Variants in PSG6 observed in about 807,000 individuals in gnomAD.
PSG6 encodes pregnancy-specific beta-1-glycoprotein 6.
Under a neutral mutation model 43.3 loss-of-function variants are expected in PSG6, and 51 were observed. The observed-to-expected ratio is 1.18, with a 90% CI of 0.94 to 1.49. The LOEUF is 1.49. Among genes scored for constraint, PSG6 ranks in the 40% most tolerant of loss-of-function variants. PSG6 has a pLI of 0.00. For missense variants in PSG6, 770 were observed against 522.2 expected (o/e 1.47, Z -4.62); for synonymous variants, 292 against 197.6 (o/e 1.48, Z -4.01).
In PSG6 at chr19:42,917,756, T is replaced by A. The variant is rs1178258249; in HGVS notation, c.37A>T (p.Ile13Phe). The change falls in exon 1 of 6, where the codon ATC (isoleucine) becomes TTC (phenylalanine). Residue 13 changes from isoleucine (I) to phenylalanine (F), a missense_variant. Physicochemically the swap from Ile to Phe is conservative, Grantham distance 21. Coordinates refer to ENST00000187910, the MANE Select transcript of PSG6 (RefSeq NM_001031850.4). ...PLSAPPCTQH[I>F]TWKGLLLTAS... ...GTGAGCAGGAGCCCCTTCCAGGTGA[T>A]GTGCTGAGTGCAGGGAGGGGCTGAG... 1 of 1,610,190 alleles carries A rather than the reference T, an allele frequency of 6.2e-7. No homozygotes were observed. Among genetic ancestry groups the A allele is most frequent in the Non-Finnish European group, 8.5e-7 (1 of 1,177,968 alleles).
rs771257703 is a variant in PSG6, at chr19:42,916,444, T to C, written c.108A>G (p.Val36=). 1.2e-6 allele frequency: 2 copies of C among 1,611,952 alleles called. No individual in the cohort carries two copies. Among genetic ancestry groups the C allele is most frequent in the East Asian group, 4.5e-5 (2 of 44,760 alleles). The change falls in exon 2 of 6, where the codon GTA becomes GTG. Residue 36 remains valine, a synonymous_variant. Transcript: ENST00000187910. ...NFWNLPTTAQ[V]IIEAKPPKVS... Reference sequence around the variant, plus strand: ...CTTTGGGTGGCTTGGCTTCAATTATTACTTGGGCAGTGGTGGGCAGGTTCC... The same window carrying C: ...CTTTGGGTGGCTTGGCTTCAATTATCACTTGGGCAGTGGTGGGCAGGTTCC...
At chr19:42,914,494 A>G (rs10407785) in intron 2 of PSG6, among the ~76,000 whole-genome samples, 7,057 of 121,420 alleles carry the variant, frequency 0.058, 316 homozygotes, top group East Asian at 0.18. Flanking sequence ...TGACTTCAAA[A>G]ACCCCAGGGA....
At chr19:42,906,085 C>A (rs755670076) in intron 5 of PSG6, among the ~76,000 whole-genome samples, 1 of 151,588 alleles carries the variant, frequency 6.6e-6, no homozygotes, top group Admixed American at 6.6e-5. Context: ...CTTGCCCTCT[C>A]TATAATTACA....
At chr19:42,912,791 A>C (rs536922183) in intron 2 of PSG6, among the ~76,000 whole-genome samples, 2 of 151,632 alleles carry the variant, frequency 1.3e-5, no homozygotes, top group Non-Finnish European at 2.9e-5. Flanking sequence ...TCCCCACACG[A>C]AGAACTCCAA....
At position 42,916,507 on chromosome 19, in the gene PSG6, T is replaced by A. The variant is rs73553515; in HGVS notation, c.65-20A>T. On this transcript the variant is annotated intron_variant, in intron 1 of 5. Coordinates refer to ENST00000187910, the MANE Select transcript of PSG6 (RefSeq NM_001031850.4). ...GTGATGCTAGGAGGTAGAGACAGCA[T>A]CAGTTAATATTTGGACCTATGTATT... The A allele has an allele frequency of 4.1e-3, 6,618 of 1,599,994 alleles. 333 individuals carry two copies. The African/African-American group carries it at 0.077, about 19-fold the overall frequency.
At chr19:42,916,962 T>C (rs1169116686) in intron 1 of PSG6, among the ~76,000 whole-genome samples, 1 of 151,294 alleles carries the variant, frequency 6.6e-6, no homozygotes, top group African/African-American at 2.4e-5. Flanking sequence ...CCCATGAGAG[T>C]GTGAGCTCTG....
At chr19:42,911,775 T>C (rs1447197671) in intron 2 of PSG6, among the ~76,000 whole-genome samples, 2 of 151,688 alleles carry the variant, frequency 1.3e-5, no homozygotes, top group Non-Finnish European at 2.9e-5. Context: ...TGGGAAGAAG[T>C]CTTGCAGATA....
At chr19:42,917,667 G>T (rs1318534534) in intron 1 of PSG6, 62 bp downstream of exon 1, 2 of 1,595,334 alleles carry the variant, frequency 1.3e-6, no homozygotes, top group African/African-American at 1.3e-5. Flanking sequence ...TCCTCTCCAG[G>T]ATACCCCATC....
chr19:42,907,770 T>C lies in PSG6; in HGVS notation c.791A>G (p.Lys264Arg). 8 of 1,611,020 alleles carry C rather than the reference T, an allele frequency of 5.0e-6. No individual in the cohort carries two copies. The highest frequency in any genetic ancestry group is 6.8e-6 in the Non-Finnish European group (8 of 1,179,114). Residue 264 changes from lysine (K) to arginine (R), a missense_variant, in exon 4 of 6, where the codon AAG becomes AGG. Coordinates refer to ENST00000187910, the MANE Select transcript of PSG6 (RefSeq NM_001031850.4). ...KDVLAFTCEP[K>R]SRNYTYIWWL... ...CCAAATGTAGGTGTAGTTCCGACTC[T>C]TAGGTTCACAGGTGAAGGCTAACAC...
chr19:42,911,180 C>A (rs1228937005), intron 2 of PSG6, among the ~76,000 whole-genome samples: 4 of 151,542 alleles, frequency 2.6e-5, no homozygotes, highest in African/African-American at 7.3e-5. Context: ...CTGCCTGGCC[C>A]ACCTTTTGGT....
intron 2 of PSG6, 62 bp downstream of exon 2, chr19:42,916,063 T>C: frequency 6.2e-7 from 1 of 1,600,636 alleles, no homozygotes; most frequent in African/African-American, 1.3e-5. Flanking sequence ...GACAATTCTG[T>C]GTGTGTGAAG....
chr19:42,908,308 C>T (rs1751938482), intron 3 of PSG6, among the ~76,000 whole-genome samples: 1 of 151,714 alleles, frequency 6.6e-6, no homozygotes, highest in South Asian at 2.1e-4. Flanking sequence ...ATGGGACTTC[C>T]CATTGTCCTG....
At position 42,910,180 on chromosome 19, in the gene PSG6, C is replaced by T. The variant is rs184505642; in HGVS notation, c.706+400G>A. 2.0e-4 allele frequency: 69 copies of T among 336,926 alleles called. 3 individuals carry two copies. The highest frequency in any genetic ancestry group is 1.7e-3 in the East Asian group (24 of 14,250). The allele number at this position is 336,926 out of a possible 1,614,324, so 20.9% of individuals were successfully genotyped here. ...GTGGGAGCATCCAGGCCATGCGGAGCAAAGAGAATAATGTCACAGGCGATA... is the reference window on the plus strand; with the variant it reads ...GTGGGAGCATCCAGGCCATGCGGAGTAAAGAGAATAATGTCACAGGCGATA... On this transcript the variant is annotated intron_variant, in intron 3 of 5. Coordinates refer to ENST00000187910, the MANE Select transcript of PSG6 (RefSeq NM_001031850.4).
chr19:42,917,327 A>C (rs577180835), intron 1 of PSG6, among the ~76,000 whole-genome samples: 3 of 147,072 alleles, frequency 2.0e-5, no homozygotes, highest in African/African-American at 7.5e-5. Context: ...GCTCCAACAG[A>C]GCCTTCTTTC....
In PSG6 at chr19:42,916,286, A is replaced by G. The variant is rs770674323; in HGVS notation, c.266T>C (p.Ile89Thr). ...ITSYVVHGQI[I>T]YGPAYSGRET... ...TCGTCCACTGTAGGCAGGCCCATAT[A>G]TAATTTGACCGTGTACTACATATGA... The change falls in exon 2 of 6, where the codon ATA becomes ACA. Residue 89 changes from isoleucine (I) to threonine (T), a missense_variant. Coordinates refer to ENST00000187910, the MANE Select transcript of PSG6 (RefSeq NM_001031850.4). The G allele has an allele frequency of 4.3e-6, 7 of 1,611,984 alleles. 1 individual carries two copies. In the South Asian group the frequency reaches 4.4e-5, roughly 10 times the overall value.
intron 5 of PSG6, among the ~76,000 whole-genome samples, chr19:42,905,305 A>C (rs544651259): frequency 6.6e-6 from 1 of 151,902 alleles, no homozygotes; most frequent in Admixed American, 6.6e-5. Context: ...AGCCCATGCA[A>C]AGTTCCTCAG....
At position 42,906,567 on chromosome 19, in the gene PSG6, A is replaced by G. The variant is rs543566668; in HGVS notation, c.1240+355T>C. 46 of 1,322,132 alleles carry G rather than the reference A, an allele frequency of 3.5e-5. 4 individuals carry two copies. In the South Asian group the frequency reaches 8.4e-4, roughly 24 times the overall value. The allele number at this position is 1,322,132 out of a possible 1,614,324, so 81.9% of individuals were successfully genotyped here. A position where few individuals can be genotyped will look rare whatever the true frequency, so the allele number is the denominator to read the frequency against. The stretch of plus-strand genomic sequence containing the variant: ...CCTTGTAGCTCATGGAATAGGTACA[A>G]GAAAACAAAGACATGGCAGAAGGGG... On this transcript the variant is annotated intron_variant, in intron 5 of 5. Transcript: ENST00000187910.
At chr19:42,917,363 CTTTTTTTTT>C (rs35188962) in intron 1 of PSG6, among the ~76,000 whole-genome samples, 3 of 123,342 alleles carry the variant, frequency 2.4e-5, no homozygotes, top group Non-Finnish European at 5.0e-5. Context: ...TCTTTTTATT[CTTTTTTTTT>C]TTTTTTTTTG....
At chr19:42,912,833 G>A (rs1181404196) in intron 2 of PSG6, among the ~76,000 whole-genome samples, 3 of 151,642 alleles carry the variant, frequency 2.0e-5, no homozygotes, top group Non-Finnish European at 4.4e-5. Flanking sequence ...TGAGGAAATA[G>A]TTGTATGTGG....
Sources: allele counts gnomAD v4.1 joint callset (sites outside exome capture counted in the v4.1 genomes callset), GRCh38; gene constraint gnomAD v4.1.1; transcripts MANE v1.5; gene names NCBI Gene and HGNC (gene_info 2026-07-23, HGNC 2026-07-21).